Variants in C9orf72 observed in about 807,000 individuals in gnomAD.
C9orf72 encodes C9orf72-SMCR8 complex subunit, also known as guanine nucleotide exchange factor C9orf72.
C9orf72 carries 44 observed loss-of-function variants against 51.6 expected under a neutral mutation model. The ratio of observed to expected loss-of-function variants is 0.85; its 90% CI spans 0.67 to 1.10. The LOEUF (loss-of-function observed/expected upper bound fraction) is 1.10, where lower values mean the gene tolerates loss of function less well. Ranked by LOEUF, C9orf72 falls within the 50% of genes least tolerant of loss-of-function variation. C9orf72 has a pLI of 0.00. For missense variants in C9orf72, 607 were observed against 570.6 expected, an observed-to-expected ratio of 1.06 and a Z score of -0.65; for synonymous variants, 213 against 194.2, an observed-to-expected ratio of 1.10 and a Z score of -0.81.
At position 27,548,325 on chromosome 9, in the gene C9orf72, C is replaced by T; in HGVS notation, c.1357G>A (p.Glu453Lys). The change falls in exon 11 of 11, where the codon GAG (glutamate) becomes AAG (lysine). Residue 453 changes from glutamate (E) to lysine (K), a missense_variant. Transcript: ENST00000380003. ...GAGTGTAGGCCTGGTTTAATTTTCTCAGCCAGAGCCATTATTATGTTAAGA... is the reference window on the plus strand; with the variant it reads ...GAGTGTAGGCCTGGTTTAATTTTCTTAGCCAGAGCCATTATTATGTTAAGA... ...GDLNIIMALA[E>K]KIKPGLHSFI... is the part of the protein sequence containing the mutation. 2 of 1,611,544 alleles carry T rather than the reference C, an allele frequency of 1.2e-6. No individual in the cohort carries two copies. Among genetic ancestry groups the T allele is most frequent in the Non-Finnish European group, 1.7e-6 (2 of 1,179,204 alleles).
Position 27,558,180 on chromosome 9 carries a change from A to G in C9orf72, c.855+311T>C, listed in dbSNP as rs1449065718. On this transcript the variant is annotated intron_variant, in intron 7 of 10. Transcript: ENST00000380003. The stretch of plus-strand genomic sequence containing the variant: ...AATAAAATTCAAATCTATTTAGTTA[A>G]AAAGAAATGATCTTATTTTTGATGT... 2.0e-5 allele frequency among the ~76,000 whole-genome samples: 3 copies of G among 151,396 alleles called. No homozygotes were observed. In the East Asian group the frequency reaches 5.8e-4, roughly 29 times the overall value.
intron 9 of C9orf72, among the ~76,000 whole-genome samples, chr9:27,548,908 G>C (rs761864934): frequency 2.0e-5 from 3 of 151,432 alleles, no homozygotes; most frequent in Non-Finnish European, 4.4e-5. Context: ...GCAGTGGCGC[G>C]ATCTTGACTC....
intron 3 of C9orf72, among the ~76,000 whole-genome samples, chr9:27,563,165 A>G (rs1819391334): frequency 6.6e-6 from 1 of 152,224 alleles, no homozygotes; most frequent in African/African-American, 2.4e-5. Flanking sequence ...TACTCATAAA[A>G]GTATAATCTA....
At chr9:27,562,800 T>C (rs747237843) in intron 3 of C9orf72, among the ~76,000 whole-genome samples, 14 of 152,026 alleles carry the variant, frequency 9.2e-5, no homozygotes, top group Admixed American at 1.3e-4. Flanking sequence ...TCCTCCCAAG[T>C]AGCTGGGACT....
rs559255138 is a variant in C9orf72 at position 27,559,988 on chromosome 9, C to T, written c.738+239G>A. On this transcript the variant is annotated intron_variant, in intron 6 of 10. Coordinates refer to ENST00000380003, the MANE Select transcript of C9orf72 (RefSeq NM_018325.5). Reference sequence around the variant, plus strand: ...TCTGATTTTAATATATTCTCAAAACCATTTATACACTACTGACACTGGTAT... The same window carrying T: ...TCTGATTTTAATATATTCTCAAAACTATTTATACACTACTGACACTGGTAT... 1.7e-5 allele frequency: 4 copies of T among 235,542 alleles called. No individual in the cohort carries two copies. The South Asian group carries it at 5.8e-4, about 34-fold the overall frequency. 14.6% of individuals were successfully genotyped at this position (235,542 alleles called of 1,614,324 possible). A position where few individuals can be genotyped will look rare whatever the true frequency, so the allele number is the denominator to read the frequency against.
chr9:27,567,290 C>T (rs1819492126), intron 1 of C9orf72, 126 bp from the exon 2 acceptor site: 2 of 612,348 alleles, frequency 3.3e-6, no homozygotes, highest in East Asian at 2.7e-5. Context: ...CTGTTATCTC[C>T]TATCAGGATA....
At chr9:27,552,175 A>G (rs547066797) in intron 8 of C9orf72, among the ~76,000 whole-genome samples, 17 of 152,302 alleles carry the variant, frequency 1.1e-4, no homozygotes, top group African/African-American at 4.1e-4. Flanking sequence ...TAGGACTTCC[A>G]GAACTATGCT....
intron 5 of C9orf72, chr9:27,560,860 G>C (rs1422174745): frequency 4.0e-6 from 3 of 747,412 alleles, no homozygotes; most frequent in Non-Finnish European, 4.9e-6. Flanking sequence ...CTTTAAAACA[G>C]AATATAAGAT....
At chr9:27,563,538 C>T (rs1049911034) in intron 3 of C9orf72, among the ~76,000 whole-genome samples, 6 of 152,072 alleles carry the variant, frequency 3.9e-5, no homozygotes, top group African/African-American at 1.4e-4. Context: ...TGTTTTTCCT[C>T]ACTTATTTTA....
rs552116382 is a variant in C9orf72, at chr9:27,573,100, T to A, written c.-45+331A>T. On this transcript the variant is annotated intron_variant, in intron 1 of 10. Transcript: ENST00000380003. ...CCTCTCAGTACCCGAGGCTCCCTTT[T>A]CTCGAGCCCGCAGCGGCAGCGCTCC... Among the ~76,000 whole-genome samples, 12 of 152,150 alleles carry A rather than the reference T, an allele frequency of 7.9e-5. No homozygotes were observed. In the South Asian group the frequency reaches 2.5e-3, roughly 32 times the overall value.
chr9:27,559,931 T>C (rs190377082), intron 6 of C9orf72: 22 of 167,356 alleles, frequency 1.3e-4, no homozygotes, highest in East Asian at 3.2e-4. Context: ...AAAGATAACA[T>C]TGGGAAATAG....
At chr9:27,561,442 A>G in intron 5 of C9orf72, 143 bp downstream of exon 5, 1 of 1,393,884 alleles carries the variant, frequency 7.2e-7, no homozygotes, top group Non-Finnish European at 9.3e-7. Context: ...AATAACACAA[A>G]TTTAAGCAAC....
intron 6 of C9orf72, 74 bp from the exon 7 acceptor site, chr9:27,558,681 A>T (rs549517242): frequency 1.3e-6 from 1 of 746,230 alleles, no homozygotes; most frequent in East Asian, 2.6e-5. Context: ...AGATATCTGA[A>T]ATTTTAATTG....
chr9:27,571,606 T>A (rs894728595), intron 1 of C9orf72, among the ~76,000 whole-genome samples: 1 of 152,038 alleles, frequency 6.6e-6, no homozygotes, highest in Non-Finnish European at 1.5e-5. Flanking sequence ...CAGGTGCACA[T>A]CACCACGCCC....
intron 1 of C9orf72, among the ~76,000 whole-genome samples, chr9:27,570,012 A>G (rs1306622097): frequency 6.6e-6 from 1 of 152,240 alleles, no homozygotes; most frequent in East Asian, 1.9e-4. Context: ...AGAGCCTGGC[A>G]AAACAGTTAA....
chr9:27,557,640 T>TTTA, intron 7 of C9orf72, among the ~76,000 whole-genome samples: 1 of 152,192 alleles, frequency 6.6e-6, no homozygotes, highest in Admixed American at 6.6e-5. Flanking sequence ...TATTAAGCAC[T>TTTA]TTATTATGCC....
chr9:27,548,460 A>C (rs1036670830), intron 10 of C9orf72, 38 bp from the exon 11 acceptor site: 1 of 1,235,430 alleles, frequency 8.1e-7, no homozygotes. Context: ...AAAAAAAAAA[A>C]AGAAGCGCAA....
Position 27,566,703 on chromosome 9 carries a change from G to A in C9orf72, c.418C>T (p.Arg140Trp), listed in dbSNP as rs756687033. ...VCVDRLTHII[R>W]KGRIWMHKER... is the part of the protein sequence containing the mutation. ...TTATGCATCCATATTCTTCCTTTCC[G>A]GATTATATGTGTTAATCTATCAACA... The change falls in exon 2 of 11, where the codon CGG (arginine) becomes TGG (tryptophan). Residue 140 changes from arginine (R) to tryptophan (W), a missense_variant. Physicochemically the swap from Arg to Trp is moderately radical, Grantham distance 101. Transcript: ENST00000380003. 1.7e-5 allele frequency: 28 copies of A among 1,605,820 alleles called. No homozygotes were observed. Among genetic ancestry groups the A allele is most frequent in the East Asian group, 2.2e-5 (1 of 44,738 alleles).
chr9:27,560,297 G>A lies in C9orf72; in HGVS notation c.668C>T (p.Ala223Val). The change falls in exon 6 of 11, where the codon GCC becomes GTC. Residue 223 changes from alanine to valine, a missense_variant and splice_region_variant. Physicochemically the swap from Ala to Val is moderately conservative, Grantham distance 64. Transcript: ENST00000380003. ...DSCHEGFLLN[A>V]ISSHLQTCGC... Reference sequence around the variant, plus strand: ...ACAGGTTTGCAAGTGTGAGCTGATGGCACTGTAAGTTAAAGAAAACAGATT... The same window carrying A: ...ACAGGTTTGCAAGTGTGAGCTGATGACACTGTAAGTTAAAGAAAACAGATT... 2 of 1,607,172 alleles carry A rather than the reference G, an allele frequency of 1.2e-6. No homozygotes were observed. The highest frequency in any genetic ancestry group is 1.7e-6 in the Non-Finnish European group (2 of 1,176,308).
Sources: allele counts gnomAD v4.1 joint callset (sites outside exome capture counted in the v4.1 genomes callset), GRCh38; gene constraint gnomAD v4.1.1; transcripts MANE v1.5; gene names NCBI Gene and HGNC (gene_info 2026-07-23, HGNC 2026-07-21).